The following RBFOX1 variants were observed in gnomAD, a reference collection of about 807,000 sequenced individuals.
RBFOX1 encodes the protein RNA binding protein fox-1 homolog 1.
Under a neutral mutation model 57.7 loss-of-function variants are expected in RBFOX1, and 8 were observed. The ratio of observed to expected loss-of-function variants is 0.14; its 90% CI spans 0.08 to 0.25. The LOEUF (loss-of-function observed/expected upper bound fraction) is 0.25, where lower values mean the gene tolerates loss of function less well. Ranked by LOEUF, RBFOX1 falls within the 10% of genes least tolerant of loss-of-function variation. The pLI, the probability that RBFOX1 is intolerant of heterozygous loss-of-function variation, is 1.00. For missense variants in RBFOX1, 611 were observed against 548.5 expected, an observed-to-expected ratio of 1.11 and a Z score of -1.14; for synonymous variants, 326 against 222.4, an observed-to-expected ratio of 1.47 and a Z score of -4.15.
At chr16:6,639,184 C>G (rs561883541) in intron 2 of RBFOX1, among the ~76,000 whole-genome samples, 2 of 152,220 alleles carry the variant, frequency 1.3e-5, no homozygotes, top group Non-Finnish European at 2.9e-5. Flanking sequence ...GCTCTGTTGA[C>G]CTTCAGCTGT....
At chr16:6,402,535 A>G (rs8056982) in intron 2 of RBFOX1, among the ~76,000 whole-genome samples, 21,333 of 152,110 alleles carry the variant, frequency 0.14, 2,317 homozygotes, top group African/African-American at 0.3. Flanking sequence ...ATGGTACCCA[A>G]ATGAAAGCAA....
intron 1 of RBFOX1, among the ~76,000 whole-genome samples, chr16:5,394,482 C>T (rs1341363631): frequency 2.0e-5 from 3 of 151,994 alleles, no homozygotes; most frequent in Non-Finnish European, 4.4e-5. Context: ...GGACTTGACC[C>T]CTGAAACATA....
chr16:5,604,215 C>A (rs187607636), downstream of RBFOX1, among the ~76,000 whole-genome samples: 74 of 152,268 alleles, frequency 4.9e-4, no homozygotes, highest in Middle Eastern at 3.4e-3. Flanking sequence ...ATTTTTTATG[C>A]GTGCTTAAGA....
chr16:6,133,648 C>A (rs149157178), intron 1 of RBFOX1, among the ~76,000 whole-genome samples: 1 of 152,216 alleles, frequency 6.6e-6, no homozygotes, highest in Non-Finnish European at 1.5e-5. Flanking sequence ...TCCCATTGCT[C>A]TTTGAATAAA....
At chr16:5,479,408 T>C (rs2630986) in intron 2 of RBFOX1, among the ~76,000 whole-genome samples, 120,090 of 152,134 alleles carry the variant, frequency 0.79, 47,415 homozygotes, top group Middle Eastern at 0.88. Context: ...TTCCAAAGGC[T>C]TCCTTTGCAA....
chr16:7,581,269 T>C (rs1374535803), intron 6 of RBFOX1, among the ~76,000 whole-genome samples: 3 of 152,156 alleles, frequency 2.0e-5, no homozygotes, highest in African/African-American at 7.2e-5. Flanking sequence ...AGAACAGAGA[T>C]ACCCTCGGGC....
chr16:6,824,615 G>A (rs915229970), intron 3 of RBFOX1, among the ~76,000 whole-genome samples: 7 of 152,118 alleles, frequency 4.6e-5, no homozygotes, highest in African/African-American at 1.4e-4. Context: ...TTTGTCAACA[G>A]ATTACTCTGA....
intron 3 of RBFOX1, among the ~76,000 whole-genome samples, chr16:6,914,671 C>G (rs1002412871): frequency 2.0e-5 from 3 of 152,134 alleles, no homozygotes; most frequent in African/African-American, 4.8e-5. Context: ...GCCACGAGTT[C>G]AAGATCAGCC....
chr16:6,612,863 A>AAAT (rs60899951), intron 2 of RBFOX1, among the ~76,000 whole-genome samples: 9,421 of 132,080 alleles, frequency 0.071, 418 homozygotes, highest in East Asian at 0.15. Context: ...AAAAAAAAAA[A>AAAT]AATAATAATA....
intron 2 of RBFOX1, among the ~76,000 whole-genome samples, chr16:6,496,233 G>A (rs1002377181): frequency 6.6e-6 from 1 of 152,152 alleles, no homozygotes; most frequent in Admixed American, 6.5e-5. Flanking sequence ...ATTTAGACTA[G>A]ATTGTTGACA....
intron 2 of RBFOX1, among the ~76,000 whole-genome samples, chr16:6,425,020 G>T (rs1259798568): frequency 6.6e-6 from 1 of 152,154 alleles, no homozygotes; most frequent in Non-Finnish European, 1.5e-5. Flanking sequence ...TTGAAGATGT[G>T]GATGAACTAA....
chr16:6,206,688 G>C (rs1465559718), intron 1 of RBFOX1, among the ~76,000 whole-genome samples: 2 of 152,052 alleles, frequency 1.3e-5, no homozygotes, highest in Non-Finnish European at 2.9e-5. Context: ...ATACAAATGA[G>C]TCCCATATAC....
At chr16:7,183,399 GGCCA>G (rs1218746532) in intron 4 of RBFOX1, among the ~76,000 whole-genome samples, 3 of 152,158 alleles carry the variant, frequency 2.0e-5, no homozygotes, top group Non-Finnish European at 4.4e-5. Context: ...CAGCACTTGA[GGCCA>G]GTGGGCACCA....
intron 2 of RBFOX1, among the ~76,000 whole-genome samples, chr16:6,603,563 G>C (rs1051498572): frequency 6.6e-6 from 1 of 152,190 alleles, no homozygotes; most frequent in Non-Finnish European, 1.5e-5. Flanking sequence ...CACACTCCAT[G>C]ATTCTGAGCC....
intron 1 of RBFOX1, among the ~76,000 whole-genome samples, chr16:6,264,429 C>T (rs764030274): frequency 2.1e-4 from 32 of 152,060 alleles, no homozygotes; most frequent in African/African-American, 5.1e-4. Context: ...GTTGGAAACC[C>T]GTCAAATAGT....
intron 4 of RBFOX1, among the ~76,000 whole-genome samples, chr16:7,206,592 T>C (rs946066665): frequency 3.3e-5 from 5 of 152,108 alleles, no homozygotes; most frequent in Admixed American, 3.3e-4. Context: ...GCTGATTTTA[T>C]TGCCAGTCAT....
At chr16:7,707,708 G>A (rs376982046) in intron 14 of RBFOX1, among the ~76,000 whole-genome samples, 18 of 152,100 alleles carry the variant, frequency 1.2e-4, no homozygotes, top group Admixed American at 2.6e-4. Flanking sequence ...AGCTAATGCC[G>A]AAAACTTATG....
chr16:7,688,415 A>G (rs567166598), intron 14 of RBFOX1, among the ~76,000 whole-genome samples: 8 of 152,064 alleles, frequency 5.3e-5, no homozygotes, highest in African/African-American at 1.4e-4. Context: ...ATCTTTGCCC[A>G]TAAGACTTAA....
chr16:6,572,165 G>C (rs111917454), intron 2 of RBFOX1, among the ~76,000 whole-genome samples: 47 of 152,046 alleles, frequency 3.1e-4, no homozygotes, highest in African/African-American at 1.1e-3. Context: ...AACGTTACTT[G>C]ATATCCCGTC....
Sources: allele counts gnomAD v4.1 joint callset (sites outside exome capture counted in the v4.1 genomes callset), GRCh38; gene constraint gnomAD v4.1.1; transcripts MANE v1.5; gene names NCBI Gene and HGNC (gene_info 2026-07-23, HGNC 2026-07-21).